Variants in EZH1 observed in about 807,000 individuals in gnomAD.
The protein encoded by EZH1 is enhancer of zeste 1 polycomb repressive complex 2 subunit, also known as histone-lysine N-methyltransferase EZH1.
EZH1 carries 33 observed loss-of-function variants against 100.5 expected under a neutral mutation model. That is an observed-to-expected ratio of 0.33 (90% CI 0.25 to 0.44). The LOEUF is 0.44. Among genes scored for constraint, EZH1 ranks in the 20% least tolerant of loss-of-function variants. The pLI, the probability that EZH1 is intolerant of heterozygous loss-of-function variation, is 1.00. For missense variants in EZH1, 475 were observed against 928.4 expected, an observed-to-expected ratio of 0.51 and a Z score of 6.35; for synonymous variants, 272 against 313.8, an observed-to-expected ratio of 0.87 and a Z score of 1.41.
chr17:42,719,807 A>G (rs945062143), intron 7 of EZH1, among the ~76,000 whole-genome samples: 1 of 152,144 alleles, frequency 6.6e-6, no homozygotes, highest in African/African-American at 2.4e-5. Context: ...GTTCATAGAG[A>G]GGCCTGAACA....
chr17:42,738,748 G>A (rs2054117119), intron 1 of EZH1, among the ~76,000 whole-genome samples: 1 of 148,400 alleles, frequency 6.7e-6, no homozygotes, highest in Non-Finnish European at 1.5e-5. Flanking sequence ...CACCGGGCCT[G>A]GCCTAGATTT....
chr17:42,725,792 G>C (rs1419081547), intron 4 of EZH1, among the ~76,000 whole-genome samples: 5 of 152,232 alleles, frequency 3.3e-5, no homozygotes, highest in African/African-American at 1.2e-4. Context: ...ATAGGTGATA[G>C]GGATAGTACA....
intron 10 of EZH1, among the ~76,000 whole-genome samples, chr17:42,714,079 C>G (rs1232623922): frequency 1.3e-5 from 2 of 151,226 alleles, no homozygotes; most frequent in African/African-American, 2.5e-5. Context: ...TTTGAAACTT[C>G]CTCCCAAATC....
intron 11 of EZH1, among the ~76,000 whole-genome samples, 156 bp downstream of exon 11, chr17:42,713,053 A>AAG (rs1491436918): frequency 2.8e-4 from 42 of 151,562 alleles, no homozygotes; most frequent in Admixed American, 7.9e-4. Flanking sequence ...AAAAAAAAAA[A>AAG]AAAAAGAAAA....
At chr17:42,732,806 G>A (rs1049475442) in intron 1 of EZH1, among the ~76,000 whole-genome samples, 16 of 151,828 alleles carry the variant, frequency 1.1e-4, no homozygotes, top group African/African-American at 1.9e-4. Context: ...AACATCATCC[G>A]GGCATGGTGG....
intron 1 of EZH1, among the ~76,000 whole-genome samples, chr17:42,738,285 TC>T (rs1429163491): frequency 6.6e-6 from 1 of 151,848 alleles, no homozygotes; most frequent in Non-Finnish European, 1.5e-5. Context: ...ACATAAGGTG[TC>T]CCTTTGCAGA....
At chr17:42,722,148 CAAA>C (rs66555154) in intron 6 of EZH1, among the ~76,000 whole-genome samples, 4 of 38,986 alleles carry the variant, frequency 1.0e-4, no homozygotes, top group African/African-American at 2.2e-4. Context: ...GACTCTGTCT[CAAA>C]AAAAAAAAAA....
intron 13 of EZH1, chr17:42,709,225 A>C: frequency 3.0e-6 from 1 of 338,422 alleles, no homozygotes. Flanking sequence ...TTTCTCTCCA[A>C]ATCTCTCCCT....
At chr17:42,723,412 A>G (rs1189967197) in intron 5 of EZH1, among the ~76,000 whole-genome samples, 2 of 151,970 alleles carry the variant, frequency 1.3e-5, no homozygotes. Flanking sequence ...AGACAGATGG[A>G]TAAATAAAAA....
At chr17:42,709,630 T>C in intron 13 of EZH1, 1 of 507,258 alleles carries the variant, frequency 2.0e-6, no homozygotes, top group Non-Finnish European at 3.5e-6. Context: ...ACAGTTATGG[T>C]CCACAGCACT....
chr17:42,705,377 A>G (rs2053331898), intron 16 of EZH1, among the ~76,000 whole-genome samples, 194 bp from the exon 17 acceptor site: 1 of 152,170 alleles, frequency 6.6e-6, no homozygotes, highest in South Asian at 2.1e-4. Context: ...TGACGAACGG[A>G]AATAGGATAT....
At chr17:42,736,988 A>T (rs1473019054) in intron 1 of EZH1, among the ~76,000 whole-genome samples, 1 of 144,090 alleles carries the variant, frequency 6.9e-6, no homozygotes, top group Admixed American at 7.0e-5. Context: ...TAGCTTTACA[A>T]TTTTTTTTTT....
intron 5 of EZH1, among the ~76,000 whole-genome samples, chr17:42,723,927 G>A (rs1202474192): frequency 6.6e-6 from 1 of 152,150 alleles, no homozygotes; most frequent in East Asian, 1.9e-4. Flanking sequence ...CTTGCATTTA[G>A]AGAATTCAGA....
chr17:42,720,828 G>C (rs768006254), intron 6 of EZH1, among the ~76,000 whole-genome samples: 3 of 152,024 alleles, frequency 2.0e-5, no homozygotes, highest in Non-Finnish European at 4.4e-5. Flanking sequence ...GGCTAATTTT[G>C]TATTTTAGTA....
At chr17:42,714,442 G>A in intron 10 of EZH1, 1 of 329,318 alleles carries the variant, frequency 3.0e-6, no homozygotes, top group South Asian at 3.1e-5. Flanking sequence ...TGTGGCGTGT[G>A]CCCAGCAGAC....
chr17:42,705,167 G>A lies in EZH1; in HGVS notation c.1856C>T (p.Pro619Leu). 2 of 1,613,114 alleles carry A rather than the reference G, an allele frequency of 1.2e-6. No homozygotes were observed. The highest frequency in any genetic ancestry group is 1.7e-6 in the Non-Finnish European group (2 of 1,179,588). Residue 619 changes from proline to leucine, a missense_variant, in exon 17 of 21, where the codon CCC becomes CTC. Pro to Leu is a moderately conservative substitution (Grantham distance 98). Coordinates refer to ENST00000428826, the MANE Select transcript of EZH1 (RefSeq NM_001991.5). ...GGTGCCCCATCCGGCCACATCAGAGGGGGCCAGCAGCAGGTGCTGGGGAAG... is the reference window on the plus strand; with the variant it reads ...GGTGCCCCATCCGGCCACATCAGAGAGGGCCAGCAGCAGGTGCTGGGGAAG... ...RGLKKHLLLA[P>L]SDVAGWGTFI... is the part of the protein sequence containing the mutation.
At chr17:42,703,645 A>AATAGC (rs2053290185) in intron 19 of EZH1, 95 bp downstream of exon 19, 1 of 888,734 alleles carries the variant, frequency 1.1e-6, no homozygotes, top group Non-Finnish European at 1.8e-6. Context: ...TTGGACAAAA[A>AATAGC]ATAGCTCAGC....
chr17:42,728,603 G>A (rs192994011), intron 3 of EZH1, among the ~76,000 whole-genome samples: 86 of 151,454 alleles, frequency 5.7e-4, no homozygotes, highest in African/African-American at 1.9e-3. Context: ...TTAGCCGGGC[G>A]TGGTGGCAGG....
intron 10 of EZH1, among the ~76,000 whole-genome samples, chr17:42,717,415 C>T (rs1463859653): frequency 6.6e-6 from 1 of 152,156 alleles, no homozygotes; most frequent in African/African-American, 2.4e-5. Context: ...TTTTATTCAT[C>T]GCCTAGGCTC....
Sources: gnomAD v4.1 joint callset for allele counts (sites outside exome capture counted in the v4.1 genomes callset) on GRCh38, gnomAD v4.1.1 for gene constraint, MANE v1.5 for transcripts, NCBI Gene and HGNC (gene_info 2026-07-23, HGNC 2026-07-21) for gene names.